Variants in CPXM2 observed in about 807,000 individuals in gnomAD.
CPXM2 encodes the protein carboxypeptidase X, M14 family member 2, also known as inactive carboxypeptidase-like protein X2.
A neutral mutation model predicts 86.1 loss-of-function variants in CPXM2; 66 were observed. The ratio of observed to expected loss-of-function variants is 0.77; its 90% CI spans 0.63 to 0.94. The LOEUF (loss-of-function observed/expected upper bound fraction) is 0.94. CPXM2 is among the 40% of genes least tolerant of loss of function. CPXM2 has a pLI of 0.00. For synonymous variants in CPXM2, 388 were observed against 400.2 expected (o/e 0.97, Z 0.36); for missense variants, 948 against 1,026.3 (o/e 0.92, Z 1.04).
chr10:123,771,438 CTTACGA>C (rs1846628295), intron 7 of CPXM2, among the ~76,000 whole-genome samples: 1 of 152,060 alleles, frequency 6.6e-6, no homozygotes. Context: ...GATTAGTGTC[CTTACGA>C]AAGAGGCCCA....
At chr10:123,897,565 G>A (rs1007954314) in intron 2 of CPXM2, among the ~76,000 whole-genome samples, 1 of 152,118 alleles carries the variant, frequency 6.6e-6, no homozygotes, top group Non-Finnish European at 1.5e-5. Context: ...AGTGTGTCAG[G>A]GTGCAGCATG....
At chr10:123,922,212 G>T (rs989489698) in intron 2 of CPXM2, among the ~76,000 whole-genome samples, 2 of 151,820 alleles carry the variant, frequency 1.3e-5, no homozygotes, top group African/African-American at 4.8e-5. Flanking sequence ...CAAATGTCCC[G>T]AGGTGCAAAA....
At chr10:123,848,583 G>A (rs1011715036) in intron 3 of CPXM2, among the ~76,000 whole-genome samples, 1 of 152,088 alleles carries the variant, frequency 6.6e-6, no homozygotes, top group African/African-American at 2.4e-5. Context: ...AAAAGAAACA[G>A]GCAAATGTTT....
At chr10:123,856,011 C>T (rs768042906) in intron 3 of CPXM2, among the ~76,000 whole-genome samples, 5 of 152,206 alleles carry the variant, frequency 3.3e-5, no homozygotes, top group South Asian at 2.1e-4. Flanking sequence ...GAGTGCCAAA[C>T]GACCGTGACC....
Position 123,754,550 on chromosome 10 carries a change from T to C in CPXM2, c.2017+113A>G, listed in dbSNP as rs1011590519. 36 of 678,744 alleles carry C rather than the reference T, an allele frequency of 5.3e-5. No individual in the cohort carries two copies. Among genetic ancestry groups the C allele is most frequent in the Admixed American group, 1.6e-4 (7 of 44,306 alleles). 42.0% of individuals were successfully genotyped at this position (678,744 alleles called of 1,614,324 possible). On this transcript the variant is annotated intron_variant, in intron 13 of 13. Transcript: ENST00000241305. The surrounding 1 kb of genome is among the most constrained non-coding windows in gnomAD (Gnocchi z 4.0). ...AAATTTAGAGGAAGGAGACTGTAAT[T>C]TGGCTCTGAGTAAGACATTTCTGGC...
chr10:123,826,649 G>C (rs1312959671), intron 4 of CPXM2, among the ~76,000 whole-genome samples: 1 of 152,010 alleles, frequency 6.6e-6, no homozygotes, highest in East Asian at 1.9e-4. Flanking sequence ...TAAAATTAGA[G>C]AGAGGCCTTC....
At chr10:123,864,441 A>G (rs968249499) in intron 2 of CPXM2, among the ~76,000 whole-genome samples, 2 of 152,214 alleles carry the variant, frequency 1.3e-5, no homozygotes, top group Non-Finnish European at 2.9e-5. Context: ...CTGTCCCTCC[A>G]TGTCCTGGTA....
rs1846365290 is a variant in CPXM2, at chr10:123,762,248, G to GA, written c.1480-80dup. The stretch of plus-strand genomic sequence containing the variant: ...CCAGCTGTCAAACAGGGACATAGTC[G>GA]AAAAAGCAGTGCTTTTGTGGAATAA... On this transcript the variant is annotated intron_variant, in intron 10 of 13. Transcript: ENST00000241305. The GA allele has an allele frequency of 2.9e-5, 46 of 1,577,058 alleles. No homozygotes were observed. In the South Asian group the frequency reaches 5.1e-4, roughly 17 times the overall value.
intron 2 of CPXM2, among the ~76,000 whole-genome samples, chr10:123,869,750 T>C (rs1272425641): frequency 2.0e-5 from 3 of 152,218 alleles, no homozygotes; most frequent in Non-Finnish European, 4.4e-5. Context: ...AAGAGGCATT[T>C]GCCCTCTGGC....
intron 2 of CPXM2, among the ~76,000 whole-genome samples, chr10:123,922,175 A>T (rs1945584264): frequency 6.6e-6 from 1 of 152,158 alleles, no homozygotes. Context: ...CACACTTGTG[A>T]CAATCAAATA....
intron 10 of CPXM2, 39 bp downstream of exon 10, chr10:123,766,934 C>A (rs1846490364): frequency 1.3e-6 from 2 of 1,544,138 alleles, no homozygotes; most frequent in African/African-American, 2.7e-5. Flanking sequence ...TTAAGCCTTG[C>A]CTTTGGCTGC....
intron 1 of CPXM2, among the ~76,000 whole-genome samples, chr10:123,888,651 G>A (rs1945217938): frequency 6.6e-6 from 1 of 152,194 alleles, no homozygotes; most frequent in African/African-American, 2.4e-5. Context: ...CTAAGTTCAC[G>A]CTTAAACCAG....
chr10:123,866,613 T>C (rs539850120), intron 2 of CPXM2, among the ~76,000 whole-genome samples: 93 of 151,374 alleles, frequency 6.1e-4, no homozygotes, highest in African/African-American at 2.2e-3. Context: ...GTCTGGAGAC[T>C]GGCCTGTTGA....
At chr10:123,923,615 A>G (rs961486316) in intron 2 of CPXM2, among the ~76,000 whole-genome samples, 3 of 152,022 alleles carry the variant, frequency 2.0e-5, no homozygotes, top group African/African-American at 7.2e-5. Context: ...TTCTTAGGAC[A>G]CGTGAGGAAA....
chr10:123,900,398 T>C (rs79743281), intron 2 of CPXM2, among the ~76,000 whole-genome samples: 94 of 152,230 alleles, frequency 6.2e-4, no homozygotes, highest in Non-Finnish European at 1.2e-3. Context: ...GATAGGAAAA[T>C]GGGCAAAAGC....
intron 6 of CPXM2, 116 bp from the exon 7 acceptor site, chr10:123,780,371 G>T (rs137977787): frequency 4.1e-6 from 3 of 724,334 alleles, no homozygotes; most frequent in African/African-American, 3.5e-5. Flanking sequence ...AGCTTCTAAC[G>T]TTGGCTCAGA....
chr10:123,838,738 A>G (rs7895522), intron 4 of CPXM2, among the ~76,000 whole-genome samples: 8,363 of 152,228 alleles, frequency 0.055, 797 homozygotes, highest in African/African-American at 0.19. Flanking sequence ...CAACTCTGCC[A>G]TGGCTTGTCT....
chr10:123,820,254 A>G (rs552860630), intron 4 of CPXM2, among the ~76,000 whole-genome samples: 14 of 152,022 alleles, frequency 9.2e-5, no homozygotes, highest in Non-Finnish European at 1.8e-4. Context: ...TGCTGATGAC[A>G]CTCATCCCAC....
At chr10:123,916,954 CTTGATTCCAGTTGT>C (rs1945538402) in intron 2 of CPXM2, among the ~76,000 whole-genome samples, 1 of 151,872 alleles carries the variant, frequency 6.6e-6, no homozygotes, top group African/African-American at 2.4e-5. Context: ...TGATCCTCAT[CTTGATTCCAGTTGT>C]TTGCTGGAGG....
Sources: gnomAD v4.1 joint callset for allele counts (sites outside exome capture counted in the v4.1 genomes callset) on GRCh38, gnomAD v4.1.1 for gene constraint, Gnocchi (gnomAD v3.1) non-coding constraint, MANE v1.5 for transcripts, NCBI Gene and HGNC (gene_info 2026-07-23, HGNC 2026-07-21) for gene names.